The following FARSB variants were observed in gnomAD, a reference collection of about 807,000 sequenced individuals.
FARSB encodes phenylalanyl-tRNA synthetase subunit beta, also known as phenylalanine--tRNA ligase beta subunit.
In FARSB, 40 loss-of-function variants were observed where a neutral mutation model predicts 69.6. The ratio of observed to expected loss-of-function variants is 0.57; its 90% CI spans 0.45 to 0.75. The LOEUF is 0.75. Among genes scored for constraint, FARSB ranks in the 30% least tolerant of loss-of-function variants. The pLI is 0.00. For missense variants in FARSB, 632 were observed against 722.9 expected, an observed-to-expected ratio of 0.87 and a Z score of 1.44; for synonymous variants, 235 against 247.2, an observed-to-expected ratio of 0.95 and a Z score of 0.46.
intron 10 of FARSB, among the ~76,000 whole-genome samples, chr2:222,626,825 A>C (rs1297187656): frequency 2.0e-5 from 3 of 152,160 alleles, no homozygotes; most frequent in Admixed American, 6.5e-5. Context: ...CAAGGTCAGG[A>C]GATCAAGACC....
chr2:222,606,906 A>G (rs943191438), intron 15 of FARSB, among the ~76,000 whole-genome samples: 5 of 152,216 alleles, frequency 3.3e-5, no homozygotes, highest in Admixed American at 6.5e-5. Flanking sequence ...GAGAAAACCT[A>G]TTGGGAGACC....
At chr2:222,641,947 A>G (rs1691729326) in intron 3 of FARSB, among the ~76,000 whole-genome samples, 1 of 152,176 alleles carries the variant, frequency 6.6e-6, no homozygotes, top group Non-Finnish European at 1.5e-5. Context: ...TCAAAAATAA[A>G]AACAATTTTT....
chr2:222,600,970 C>G (rs1047501254), intron 15 of FARSB, among the ~76,000 whole-genome samples: 1 of 152,200 alleles, frequency 6.6e-6, no homozygotes, highest in Non-Finnish European at 1.5e-5. Flanking sequence ...AGCTATGCTA[C>G]CACATGGGTG....
intron 1 of FARSB, 72 bp downstream of exon 1, chr2:222,655,944 C>T: frequency 8.0e-7 from 1 of 1,248,786 alleles, no homozygotes; most frequent in Non-Finnish European, 1.1e-6. Flanking sequence ...AATGTCGCCA[C>T]ATTGCCCTTT....
At chr2:222,601,371 G>A (rs1379358556) in intron 15 of FARSB, among the ~76,000 whole-genome samples, 1 of 152,008 alleles carries the variant, frequency 6.6e-6, no homozygotes, top group East Asian at 1.9e-4. Flanking sequence ...CAAGGCAAGA[G>A]TTTGAGACCA....
intron 15 of FARSB, among the ~76,000 whole-genome samples, chr2:222,607,189 T>C (rs1325669201): frequency 6.6e-6 from 1 of 152,226 alleles, no homozygotes; most frequent in Non-Finnish European, 1.5e-5. Flanking sequence ...AACAGGAACC[T>C]TTCTCTTGGT....
At chr2:222,606,677 A>G (rs1277581740) in intron 15 of FARSB, among the ~76,000 whole-genome samples, 1 of 152,260 alleles carries the variant, frequency 6.6e-6, no homozygotes, top group Non-Finnish European at 1.5e-5. Flanking sequence ...GGAGTGGTAC[A>G]TGATGTCCCC....
chr2:222,580,514 T>C lies in FARSB; in HGVS notation c.1619-8492A>G, dbSNP rs112390913. ...CATCTCAAAAAAAAAAAAATAGTGC[T>C]ACATAGGTAAAAAGAAAATGAATCA... On this transcript the variant is annotated intron_variant, in intron 16 of 16. Coordinates refer to ENST00000281828, the MANE Select transcript of FARSB (RefSeq NM_005687.5). Among the ~76,000 whole-genome samples the C allele has an allele frequency of 7.0e-3, 1,061 of 151,628 alleles. 6 individuals are homozygous for C. The highest frequency in any genetic ancestry group is 0.024 in the African/African-American group (1,008 of 41,334).
chr2:222,578,775 C>T lies in FARSB; in HGVS notation c.1619-6753G>A, dbSNP rs946559969. On this transcript the variant is annotated intron_variant, in intron 16 of 16. Coordinates refer to ENST00000281828, the MANE Select transcript of FARSB (RefSeq NM_005687.5). ...CAGGTGGATCATGAGGTCAGGAGATCGAGACCATCCTGGCTAACATGGTGA... is the reference window on the plus strand; with the variant it reads ...CAGGTGGATCATGAGGTCAGGAGATTGAGACCATCCTGGCTAACATGGTGA... 2.6e-5 allele frequency among the ~76,000 whole-genome samples: 4 copies of T among 151,882 alleles called. No individual in the cohort carries two copies. The Middle Eastern group carries it at 0.01, about 387-fold the overall frequency.
intron 5 of FARSB, among the ~76,000 whole-genome samples, chr2:222,636,349 G>A (rs1164013507): frequency 7.8e-5 from 11 of 140,488 alleles, no homozygotes; most frequent in South Asian, 4.5e-4. Context: ...AGAGCTTGGC[G>A]CACTCCAGCC....
At chr2:222,653,613 T>C (rs1311610796) in intron 1 of FARSB, among the ~76,000 whole-genome samples, 1 of 151,476 alleles carries the variant, frequency 6.6e-6, no homozygotes, top group African/African-American at 2.4e-5. Context: ...ATAAATAACA[T>C]CAATCCTTCT....
chr2:222,619,322 A>T (rs76284265), intron 14 of FARSB, among the ~76,000 whole-genome samples: 2 of 112,688 alleles, frequency 1.8e-5, no homozygotes, highest in African/African-American at 7.5e-5. Flanking sequence ...TAAAAATTAA[A>T]AAAAAAAAAA....
chr2:222,590,791 C>G (rs1690248863), intron 16 of FARSB, among the ~76,000 whole-genome samples: 1 of 152,068 alleles, frequency 6.6e-6, no homozygotes, highest in Admixed American at 6.5e-5. Context: ...ACCAATGAAA[C>G]AAAATTGACT....
At chr2:222,596,003 T>G (rs907141291) in intron 16 of FARSB, among the ~76,000 whole-genome samples, 2 of 152,170 alleles carry the variant, frequency 1.3e-5, no homozygotes, top group Non-Finnish European at 2.9e-5. Flanking sequence ...ACTCTTAAAA[T>G]GCTCTGCAGT....
rs1336100394 is a variant in FARSB, at chr2:222,628,864, A to G, written c.873T>C (p.Phe291=). 2 of 1,609,704 alleles carry G rather than the reference A, an allele frequency of 1.2e-6. No homozygotes were observed. Among genetic ancestry groups the G allele is most frequent in the South Asian group, 1.1e-5 (1 of 90,388 alleles). ...GAAAGGTATGTGATTTTCCATTAGGAAAAACCACTTCAGCAGCTTCGACCC... is the reference window on the plus strand; with the variant it reads ...GAAAGGTATGTGATTTTCCATTAGGGAAAACCACTTCAGCAGCTTCGACCC... The part of the protein sequence containing the change: ...QFTVEAAEVV[F]PNGKSHTFPE... The change falls in exon 10 of 17, where the codon TTT becomes TTC. Residue 291 remains phenylalanine, a synonymous_variant. Coordinates refer to ENST00000281828, the MANE Select transcript of FARSB (RefSeq NM_005687.5).
At position 222,624,428 on chromosome 2, in the gene FARSB, T is replaced by C. The variant is rs1416377489; in HGVS notation, c.1014A>G (p.Ser338=). The C allele has an allele frequency of 1.2e-6, 2 of 1,613,668 alleles. No homozygotes were observed. Among genetic ancestry groups the C allele is most frequent in the Non-Finnish European group, 1.7e-6 (2 of 1,179,570 alleles). The change falls in exon 12 of 17, where the codon TCA becomes TCG. Residue 338 remains serine (S), a synonymous_variant. Coordinates refer to ENST00000281828, the MANE Select transcript of FARSB (RefSeq NM_005687.5). ...TCTGATTCCCATCACCTATGACTTC[T>C]GATTTTAAATACATCCTGGTCAGAA... ...AKLLTRMYLK[S]EVIGDGNQIE... is the part of the protein sequence containing the mutation.
intron 15 of FARSB, among the ~76,000 whole-genome samples, chr2:222,611,188 A>T (rs958331793): frequency 2.0e-5 from 3 of 152,166 alleles, no homozygotes; most frequent in African/African-American, 7.2e-5. Context: ...AAAACTTTTT[A>T]AAAAAAGAAT....
rs1349538168 is a variant in FARSB, at chr2:222,642,879, C to T, written c.241G>A (p.Val81Ile). The T allele has an allele frequency of 6.2e-7, 1 of 1,611,178 alleles. No homozygotes were observed. The highest frequency in any genetic ancestry group is 1.1e-5 in the South Asian group (1 of 90,684). ...RYDLLCLEGLVRGLQVFKERI... is the reference protein window; with the variant it reads ...RYDLLCLEGLIRGLQVFKERI... Reference sequence around the variant, plus strand: ...TCTTTGAAGACCTGAAGTCCTCGAACCAATCCTTCCAGACACAGGAGATCA... The same window carrying T: ...TCTTTGAAGACCTGAAGTCCTCGAATCAATCCTTCCAGACACAGGAGATCA... The change falls in exon 3 of 17, where the codon GTT (valine) becomes ATT (isoleucine). Residue 81 changes from valine (V) to isoleucine (I), a missense_variant. Val to Ile is a conservative substitution (Grantham distance 29, BLOSUM62 3). Transcript: ENST00000281828.
At chr2:222,573,795 T>C (rs1454397177) in intron 16 of FARSB, among the ~76,000 whole-genome samples, 1 of 152,276 alleles carries the variant, frequency 6.6e-6, no homozygotes, top group East Asian at 1.9e-4. Context: ...GACACCAGCT[T>C]GCTGTGGTTT....
Sources: gnomAD v4.1 joint callset for allele counts (sites outside exome capture counted in the v4.1 genomes callset) on GRCh38, gnomAD v4.1.1 for gene constraint, MANE v1.5 for transcripts, NCBI Gene and HGNC (gene_info 2026-07-23, HGNC 2026-07-21) for gene names.